Variants in ARHGAP24 observed in about 807,000 individuals in gnomAD.
ARHGAP24 encodes Rho GTPase activating protein 24, also known as rho GTPase-activating protein 24.
In ARHGAP24, 50 loss-of-function variants were observed where a neutral mutation model predicts 76.4. The ratio of observed to expected loss-of-function variants is 0.65; its 90% CI spans 0.52 to 0.83. The LOEUF (loss-of-function observed/expected upper bound fraction) is 0.83, where lower values mean the gene tolerates loss of function less well. Ranked by LOEUF, ARHGAP24 falls within the 40% of genes least tolerant of loss-of-function variation. ARHGAP24 has a pLI of 0.00. For synonymous variants in ARHGAP24, 345 were observed against 323.3 expected, an observed-to-expected ratio of 1.07 and a Z score of -0.72; for missense variants, 930 against 914.2, an observed-to-expected ratio of 1.02 and a Z score of -0.22.
chr4:85,670,498 A>T (rs976971987), intron 2 of ARHGAP24, among the ~76,000 whole-genome samples: 2 of 152,180 alleles, frequency 1.3e-5, no homozygotes, highest in Admixed American at 1.3e-4. Flanking sequence ...AATCCAATCA[A>T]CTGAACAGTT....
chr4:85,654,219 A>G (rs1264506811), intron 2 of ARHGAP24, among the ~76,000 whole-genome samples: 2 of 152,074 alleles, frequency 1.3e-5, no homozygotes, highest in Non-Finnish European at 1.5e-5. Context: ...TGGCTTGCAG[A>G]TGGCTGCCTT....
At chr4:85,791,437 A>G (rs1189076974) in intron 3 of ARHGAP24, among the ~76,000 whole-genome samples, 2 of 152,234 alleles carry the variant, frequency 1.3e-5, no homozygotes, top group African/African-American at 4.8e-5. Context: ...TTAAAATACC[A>G]AGATAGTTAT....
chr4:85,851,263 G>T (rs371013278), intron 3 of ARHGAP24, among the ~76,000 whole-genome samples: 7 of 152,292 alleles, frequency 4.6e-5, no homozygotes, highest in African/African-American at 1.7e-4. Flanking sequence ...CAGAGACTAT[G>T]ACAGCAATCC....
intron 2 of ARHGAP24, among the ~76,000 whole-genome samples, chr4:85,681,587 C>A (rs1723204591): frequency 6.6e-6 from 1 of 152,192 alleles, no homozygotes; most frequent in Non-Finnish European, 1.5e-5. Context: ...AAGATCACCC[C>A]AGGAGAGTAC....
intron 2 of ARHGAP24, among the ~76,000 whole-genome samples, chr4:85,694,648 C>T (rs1723804727): frequency 6.6e-6 from 1 of 152,246 alleles, no homozygotes; most frequent in Admixed American, 6.5e-5. Context: ...GACTTTCCCT[C>T]GGCCCCTCCA....
chr4:85,720,433 A>G (rs1329855913), intron 2 of ARHGAP24, among the ~76,000 whole-genome samples: 2 of 152,194 alleles, frequency 1.3e-5, no homozygotes, highest in Admixed American at 6.6e-5. Context: ...TTGCAACTGC[A>G]TAGAAGAGGG....
rs1463117785 is a variant in ARHGAP24 at position 85,702,568 on chromosome 4, T to C, written c.181-19317T>C. On this transcript the variant is annotated intron_variant, in intron 2 of 9. Coordinates refer to ENST00000395184, the MANE Select transcript of ARHGAP24 (RefSeq NM_001025616.3). ...CTCTAAAGTATTATAAGATACATTA[T>C]TGAAACACAATAAAAAATTAGTCCC... is the stretch of plus-strand genomic sequence containing the variant. Among the ~76,000 whole-genome samples, 11 of 152,220 alleles carry C rather than the reference T, an allele frequency of 7.2e-5. No individual in the cohort carries two copies. In the East Asian group the frequency reaches 9.6e-4, roughly 13 times the overall value.
intron 4 of ARHGAP24, chr4:85,930,211 C>A: frequency 4.1e-6 from 4 of 982,748 alleles, no homozygotes; most frequent in Non-Finnish European, 4.8e-6. Flanking sequence ...GCTGCCTCCC[C>A]CCACAGATCC....
At chr4:85,718,851 T>C (rs1724827994) in intron 2 of ARHGAP24, among the ~76,000 whole-genome samples, 1 of 152,210 alleles carries the variant, frequency 6.6e-6, no homozygotes, top group Non-Finnish European at 1.5e-5. Context: ...AGGATAGCAT[T>C]ACTTGGAGTT....
At chr4:85,591,165 C>A (rs12502332) in intron 2 of ARHGAP24, among the ~76,000 whole-genome samples, 76,825 of 150,886 alleles carry the variant, frequency 0.51, 21,269 homozygotes, top group Non-Finnish European at 0.64. Flanking sequence ...CTGCCTCAGG[C>A]ACCTGAGTAT....
At chr4:85,834,929 A>G (rs1214587207) in intron 3 of ARHGAP24, among the ~76,000 whole-genome samples, 1 of 152,246 alleles carries the variant, frequency 6.6e-6, no homozygotes, top group Non-Finnish European at 1.5e-5. Context: ...CTGAGAGTAT[A>G]AAAAGTAGAT....
At chr4:85,925,578 T>A (rs1735977100) in intron 4 of ARHGAP24, among the ~76,000 whole-genome samples, 1 of 152,268 alleles carries the variant, frequency 6.6e-6, no homozygotes, top group African/African-American at 2.4e-5. Context: ...TCACATAACT[T>A]TTATTACAGT....
chr4:85,835,483 G>C (rs1191555825), intron 3 of ARHGAP24, among the ~76,000 whole-genome samples: 1 of 149,354 alleles, frequency 6.7e-6, no homozygotes, highest in Non-Finnish European at 1.5e-5. Flanking sequence ...GTGAACCCGG[G>C]AGGCGGAGCT....
chr4:85,494,183 T>C (rs1723467291), intron 1 of ARHGAP24, among the ~76,000 whole-genome samples: 1 of 152,190 alleles, frequency 6.6e-6, no homozygotes, highest in Non-Finnish European at 1.5e-5. Context: ...AAAAATGGTA[T>C]GGATATGCAG....
intron 5 of ARHGAP24, among the ~76,000 whole-genome samples, chr4:85,965,245 C>T (rs1168186311): frequency 6.6e-6 from 1 of 152,076 alleles, no homozygotes; most frequent in East Asian, 1.9e-4. Flanking sequence ...AAAGAGAGAG[C>T]TTGGGCAGGC....
At chr4:85,594,081 T>C (rs1728220790) in intron 2 of ARHGAP24, among the ~76,000 whole-genome samples, 1 of 152,132 alleles carries the variant, frequency 6.6e-6, no homozygotes, top group African/African-American at 2.4e-5. Context: ...TTCCATTCTG[T>C]GAATATGGGA....
chr4:85,797,650 T>C (rs1728419505), intron 3 of ARHGAP24, among the ~76,000 whole-genome samples: 1 of 152,224 alleles, frequency 6.6e-6, no homozygotes, highest in African/African-American at 2.4e-5. Flanking sequence ...GCTGCCTCCA[T>C]ATTATGGTAT....
intron 3 of ARHGAP24, among the ~76,000 whole-genome samples, chr4:85,817,312 G>T (rs534129526): frequency 6.6e-6 from 1 of 152,218 alleles, no homozygotes; most frequent in African/African-American, 2.4e-5. Context: ...GCTTTATAAG[G>T]AGTGATATCC....
At chr4:85,553,733 G>GA (rs941177787) in intron 1 of ARHGAP24, among the ~76,000 whole-genome samples, 10 of 152,208 alleles carry the variant, frequency 6.6e-5, no homozygotes. Context: ...GTCTCTAGAA[G>GA]ACAGCATACC....
Sources: allele counts gnomAD v4.1 joint callset (sites outside exome capture counted in the v4.1 genomes callset), GRCh38; gene constraint gnomAD v4.1.1; transcripts MANE v1.5; gene names NCBI Gene and HGNC (gene_info 2026-07-23, HGNC 2026-07-21).